The following DYNAP variants were observed in gnomAD, a reference collection of about 807,000 sequenced individuals.
The protein encoded by DYNAP is dynactin associated protein.
DYNAP carries 7 observed loss-of-function variants against 8.5 expected under a neutral mutation model. The ratio of observed to expected loss-of-function variants is 0.82; its 90% CI spans 0.47 to 1.54. The LOEUF (loss-of-function observed/expected upper bound fraction) is 1.54, where lower values mean the gene tolerates loss of function less well. DYNAP is among the 40% of genes most tolerant of loss of function. DYNAP has a pLI of 0.01. For synonymous variants in DYNAP, 77 were observed against 77.9 expected, an observed-to-expected ratio of 0.99 and a Z score of 0.06; for missense variants, 256 against 224.3, an observed-to-expected ratio of 1.14 and a Z score of -0.90.
upstream of DYNAP, among the ~76,000 whole-genome samples, chr18:54,583,681 T>C (rs912330730): frequency 6.6e-6 from 1 of 152,204 alleles, no homozygotes; most frequent in Non-Finnish European, 1.5e-5. Context: ...ATACACTCTT[T>C]ACCTACTTAA....
chr18:54,579,789 C>A, the DYNAP span, among the ~76,000 whole-genome samples: 1 of 152,194 alleles, frequency 6.6e-6, no homozygotes, highest in Non-Finnish European at 1.5e-5. Flanking sequence ...ATGGAATTTT[C>A]ATTATTTGAA....
At chr18:54,586,355 A>G (rs1910878401), upstream of DYNAP, among the ~76,000 whole-genome samples, 1 of 152,108 alleles carries the variant, frequency 6.6e-6, no homozygotes, top group African/African-American at 2.4e-5. Context: ...ATGCTTGGAC[A>G]GAACTTGGAG....
the DYNAP span, among the ~76,000 whole-genome samples, chr18:54,578,578 T>TG: frequency 6.6e-6 from 1 of 152,174 alleles, no homozygotes; most frequent in Non-Finnish European, 1.5e-5. Context: ...AGAGGAAACA[T>TG]GGGGAATACA....
chr18:54,580,046 G>T, the DYNAP span, among the ~76,000 whole-genome samples: 4 of 152,110 alleles, frequency 2.6e-5, no homozygotes, highest in Non-Finnish European at 5.9e-5. Flanking sequence ...CTTTCTTCTT[G>T]GAGAAATAGT....
At chr18:54,596,994 C>T (rs1179496460) in intron 2 of DYNAP, among the ~76,000 whole-genome samples, 1 of 151,980 alleles carries the variant, frequency 6.6e-6, no homozygotes, top group Non-Finnish European at 1.5e-5. Flanking sequence ...TGTTTCAGAC[C>T]TACTGTATTC....
At chr18:54,579,485 G>A in the DYNAP span, among the ~76,000 whole-genome samples, 25 of 152,270 alleles carry the variant, frequency 1.6e-4, no homozygotes, top group African/African-American at 5.8e-4. Context: ...ACAGCATCAC[G>A]TTTTCCATAC....
rs200165147 is a variant in DYNAP at position 54,598,134 on chromosome 18, G to A, written c.544G>A (p.Asp182Asn). The change falls in exon 3 of 3, where the codon GAT becomes AAT. Residue 182 changes from aspartate (D) to asparagine (N), a missense_variant. Coordinates refer to ENST00000648945, the MANE Select transcript of DYNAP (RefSeq NM_173629.3). ...STEPITVAPTDHL is the reference protein window; with the variant it reads ...STEPITVAPTNHL ...AGAACCTATAACTGTTGCACCTACC[G>A]ATCATTTATAATTTGAACAGCCATA... 1.6e-4 allele frequency: 258 copies of A among 1,607,046 alleles called. 1 individual carries two copies. In the East Asian group the frequency reaches 3.7e-3, roughly 23 times the overall value.
chr18:54,589,095 A>G (rs1365751674), upstream of DYNAP, among the ~76,000 whole-genome samples: 8 of 152,284 alleles, frequency 5.3e-5, 1 homozygote, highest in East Asian at 9.7e-4. Flanking sequence ...AGCATATCAA[A>G]ATTTCAGGTA....
chr18:54,581,137 C>T, the DYNAP span, among the ~76,000 whole-genome samples: 1 of 152,180 alleles, frequency 6.6e-6, no homozygotes, highest in African/African-American at 2.4e-5. Flanking sequence ...GTTTTAAGTA[C>T]CACATTTTGT....
At chr18:54,587,698 T>G (rs1910927761), upstream of DYNAP, 2 of 392,092 alleles carry the variant, frequency 5.1e-6, no homozygotes, top group South Asian at 2.8e-4. Context: ...AAATTGTGTA[T>G]CAGGGATTGT....
chr18:54,580,126 C>G, the DYNAP span, among the ~76,000 whole-genome samples: 1 of 152,194 alleles, frequency 6.6e-6, no homozygotes, highest in Non-Finnish European at 1.5e-5. Flanking sequence ...ATATTATTGA[C>G]TATTTTTGAC....
rs1451740008 is a variant in DYNAP at position 54,599,290 on chromosome 18, C to T, written c.*1145C>T. ...CCGAACCTGCAACTACAAATGCCAC[C>T]ATTACCACTTAAAACTTGATAGAAC... On this transcript the variant is annotated 3_prime_UTR_variant, in exon 3 of 3. Coordinates refer to ENST00000648945, the MANE Select transcript of DYNAP (RefSeq NM_173629.3). 1 of 152,064 alleles carries T rather than the reference C, an allele frequency of 6.6e-6. No individual in the cohort carries two copies. The highest frequency in any genetic ancestry group is 1.5e-5 in the Non-Finnish European group (1 of 68,000). 9.4% of individuals were successfully genotyped at this position (152,064 alleles called of 1,614,324 possible).
chr18:54,575,681 C>A, the DYNAP span, among the ~76,000 whole-genome samples: 1 of 152,056 alleles, frequency 6.6e-6, no homozygotes, highest in African/African-American at 2.4e-5. Flanking sequence ...TCAAGCAATC[C>A]TCCCACCTCA....
At chr18:54,588,435 C>G (rs147588574), upstream of DYNAP, among the ~76,000 whole-genome samples, 1 of 152,024 alleles carries the variant, frequency 6.6e-6, no homozygotes, top group Admixed American at 6.6e-5. Context: ...GAACTCCTGA[C>G]CTCAGGTGAT....
chr18:54,587,939 T>C (rs925681272), upstream of DYNAP: 5 of 400,100 alleles, frequency 1.2e-5, no homozygotes, highest in Non-Finnish European at 2.2e-5. Context: ...TCTGTAGAAG[T>C]TGTTATATAT....
chr18:54,590,834 A>C (rs1295440811), upstream of DYNAP, among the ~76,000 whole-genome samples: 2 of 152,170 alleles, frequency 1.3e-5, no homozygotes, highest in Admixed American at 6.6e-5. Flanking sequence ...GAAAAGGTGA[A>C]GTGTCCCTAA....
the DYNAP span, among the ~76,000 whole-genome samples, chr18:54,581,674 CAATT>C: frequency 1.3e-5 from 2 of 151,852 alleles, no homozygotes; most frequent in Non-Finnish European, 2.9e-5. Context: ...AAACATGAAA[CAATT>C]AATACTAATC....
intron 1 of DYNAP, among the ~76,000 whole-genome samples, chr18:54,593,866 C>T (rs1234617061): frequency 2.0e-5 from 3 of 151,988 alleles, no homozygotes; most frequent in East Asian, 1.9e-4. Flanking sequence ...CTTGGGAGGT[C>T]GAGGTTTCAG....
At chr18:54,577,346 A>G in the DYNAP span, among the ~76,000 whole-genome samples, 1 of 152,178 alleles carries the variant, frequency 6.6e-6, no homozygotes, top group Non-Finnish European at 1.5e-5. Context: ...CAACAGTTTG[A>G]GAAACCCAGG....
Sources: allele counts gnomAD v4.1 joint callset (sites outside exome capture counted in the v4.1 genomes callset), GRCh38; gene constraint gnomAD v4.1.1; transcripts MANE v1.5; gene names NCBI Gene and HGNC (gene_info 2026-07-23, HGNC 2026-07-21).